Variants in RBFOX1 observed in about 807,000 individuals in gnomAD.
The protein encoded by RBFOX1 is RNA binding protein fox-1 homolog 1.
Under a neutral mutation model 57.7 loss-of-function variants are expected in RBFOX1, and 8 were observed. That is an observed-to-expected ratio of 0.14 (90% confidence interval 0.08 to 0.25). RBFOX1 has a LOEUF of 0.25. RBFOX1 is among the 10% of genes least tolerant of loss of function. The pLI, the probability that RBFOX1 is intolerant of heterozygous loss-of-function variation, is 1.00. For missense variants in RBFOX1, 611 were observed against 548.5 expected (o/e 1.11, Z -1.14); for synonymous variants, 326 against 222.4 (o/e 1.47, Z -4.15).
At chr16:5,844,817 G>C (rs2056711582) in intron 3 of RBFOX1, among the ~76,000 whole-genome samples, 1 of 152,150 alleles carries the variant, frequency 6.6e-6, no homozygotes, top group African/African-American at 2.4e-5. Context: ...CCAACACAAA[G>C]GCGGTTTCCC....
Position 7,269,107 on chromosome 16 carries a change from A to G in RBFOX1, c.27+217009A>G, listed in dbSNP as rs118018422. Among the ~76,000 whole-genome samples, 544 of 150,440 alleles carry G rather than the reference A, an allele frequency of 3.6e-3. 1 individual carries two copies. The highest frequency in any genetic ancestry group is 7.6e-3 in the South Asian group (36 of 4,734). ...TGGATCACATTAACCCTCACAGCCC[A>G]TAGTCCTTCGTCTTCCTCTGAAAAA... On this transcript the variant is annotated intron_variant, in intron 4 of 15. Transcript: ENST00000550418.
intron 2 of RBFOX1, among the ~76,000 whole-genome samples, chr16:6,507,502 C>A (rs1036120048): frequency 1.4e-4 from 3 of 21,448 alleles, no homozygotes; most frequent in Admixed American, 8.7e-4. Context: ...AAGACCCTAT[C>A]TGTACAAAAA....
At chr16:5,639,048 C>G (rs1315018038) in intron 3 of RBFOX1, among the ~76,000 whole-genome samples, 2 of 152,178 alleles carry the variant, frequency 1.3e-5, no homozygotes, top group East Asian at 1.9e-4. Context: ...CTCTTGTCCT[C>G]TTCACTAACC....
chr16:6,760,068 G>C (rs540638263), intron 3 of RBFOX1, among the ~76,000 whole-genome samples: 2 of 152,058 alleles, frequency 1.3e-5, no homozygotes, highest in African/African-American at 2.4e-5. Flanking sequence ...TATGGCTCGG[G>C]GAGTCCAAAC....
At chr16:5,390,201 T>C (rs1467459337) in intron 1 of RBFOX1, among the ~76,000 whole-genome samples, 1 of 152,158 alleles carries the variant, frequency 6.6e-6, no homozygotes, top group Admixed American at 6.5e-5. Context: ...TTTTATGCAC[T>C]ACATATAGTG....
chr16:5,255,142 T>A (rs1022979212), intron 1 of RBFOX1, among the ~76,000 whole-genome samples: 3 of 152,194 alleles, frequency 2.0e-5, no homozygotes, highest in African/African-American at 7.2e-5. Flanking sequence ...TAAAGTGTTC[T>A]GAGGGTGGTG....
intron 4 of RBFOX1, among the ~76,000 whole-genome samples, chr16:7,055,453 G>A (rs149224482): frequency 3.3e-5 from 5 of 152,258 alleles, no homozygotes; most frequent in Admixed American, 2.0e-4. Flanking sequence ...CTGTGCTTCC[G>A]TTGGCCTTTC....
chr16:7,671,983 G>T lies in RBFOX1; in HGVS notation c.931-4791G>T, dbSNP rs541001195. ...ATAAATCCAATGAAAATAATTCAAG[G>T]TTCTAATTGAACCAATTGTCTGGAT... On this transcript the variant is annotated intron_variant, in intron 13 of 15. Transcript: ENST00000550418. Among the ~76,000 whole-genome samples, 39 of 152,252 alleles carry T rather than the reference G, an allele frequency of 2.6e-4. No homozygotes were observed. The South Asian group carries it at 6.6e-3, about 26-fold the overall frequency.
intron 2 of RBFOX1, among the ~76,000 whole-genome samples, chr16:6,633,568 A>C (rs898273703): frequency 1.3e-5 from 2 of 152,170 alleles, no homozygotes; most frequent in African/African-American, 2.4e-5. Flanking sequence ...TGCTGGGATT[A>C]CAGGCCTGAG....
intron 2 of RBFOX1, among the ~76,000 whole-genome samples, chr16:6,608,601 C>T (rs1468106238): frequency 6.6e-6 from 1 of 152,104 alleles, no homozygotes; most frequent in Non-Finnish European, 1.5e-5. Context: ...TGAGCTTGGG[C>T]AACATGGCAA....
chr16:6,410,544 C>G (rs944604711), intron 2 of RBFOX1, among the ~76,000 whole-genome samples: 3 of 151,940 alleles, frequency 2.0e-5, no homozygotes, highest in Non-Finnish European at 2.9e-5. Context: ...ATCTCCTGAC[C>G]TCATGATCCA....
chr16:6,184,489 G>A (rs559540607), intron 1 of RBFOX1, among the ~76,000 whole-genome samples: 43 of 152,220 alleles, frequency 2.8e-4, no homozygotes, highest in Middle Eastern at 6.8e-3. Flanking sequence ...CTATATGATC[G>A]TATGCTTAGG....
chr16:6,205,809 G>A (rs2097251469), intron 1 of RBFOX1, among the ~76,000 whole-genome samples: 1 of 145,558 alleles, frequency 6.9e-6, no homozygotes, highest in African/African-American at 2.5e-5. Flanking sequence ...AAGACTTTAA[G>A]TACATTCACA....
intron 3 of RBFOX1, among the ~76,000 whole-genome samples, chr16:6,827,434 C>A (rs1217448700): frequency 6.6e-6 from 1 of 151,058 alleles, no homozygotes; most frequent in Non-Finnish European, 1.5e-5. Flanking sequence ...GAAGTTTGGT[C>A]AATTGATGCA....
intron 4 of RBFOX1, among the ~76,000 whole-genome samples, chr16:7,138,947 T>G (rs1338049842): frequency 6.6e-6 from 1 of 152,094 alleles, no homozygotes; most frequent in African/African-American, 2.4e-5. Flanking sequence ...TAGCTAAGAT[T>G]ACAGCCTCCT....
intron 3 of RBFOX1, among the ~76,000 whole-genome samples, chr16:5,675,545 A>T (rs1267035530): frequency 1.3e-5 from 2 of 152,176 alleles, no homozygotes; most frequent in Non-Finnish European, 2.9e-5. Context: ...GATAATGGAA[A>T]CACAGAAAAC....
At chr16:7,451,116 A>G (rs1468549663) in intron 4 of RBFOX1, among the ~76,000 whole-genome samples, 5 of 152,106 alleles carry the variant, frequency 3.3e-5, no homozygotes, top group Admixed American at 3.3e-4. Flanking sequence ...AAGGCTCTGG[A>G]GGGAGAAGAA....
intron 3 of RBFOX1, among the ~76,000 whole-genome samples, chr16:6,744,503 C>T (rs2073097143): frequency 1.3e-5 from 2 of 151,772 alleles, no homozygotes; most frequent in Non-Finnish European, 2.9e-5. Context: ...TTTCTCCAAT[C>T]GCAGTGGAAT....
intron 2 of RBFOX1, among the ~76,000 whole-genome samples, chr16:6,574,469 C>G (rs1405700058): frequency 7.3e-6 from 1 of 136,456 alleles, no homozygotes; most frequent in Non-Finnish European, 1.5e-5. Flanking sequence ...TGCTCTGTCG[C>G]TCAGGCTGGA....
Sources: gnomAD v4.1 joint callset for allele counts (sites outside exome capture counted in the v4.1 genomes callset) on GRCh38, gnomAD v4.1.1 for gene constraint, MANE v1.5 for transcripts, NCBI Gene and HGNC (gene_info 2026-07-23, HGNC 2026-07-21) for gene names.